ZFHX3: variants seen among roughly 807,000 people sequenced by gnomAD.
ZFHX3 encodes zinc finger homeobox 3.
ZFHX3 carries 42 observed loss-of-function variants against 279.1 expected under a neutral mutation model. The ratio of observed to expected loss-of-function variants is 0.15; its 90% CI spans 0.12 to 0.19. The LOEUF (loss-of-function observed/expected upper bound fraction) is 0.19. ZFHX3 is among the 10% of genes least tolerant of loss of function. ZFHX3 has a pLI of 1.00. For missense variants in ZFHX3, 4,981 were observed against 4,754.0 expected, an observed-to-expected ratio of 1.05 and a Z score of -1.40; for synonymous variants, 2,293 against 1,957.8, an observed-to-expected ratio of 1.17 and a Z score of -4.52.
At chr16:73,841,348 C>T (rs1961301817) in intron 1 of ZFHX3, among the ~76,000 whole-genome samples, 1 of 146,902 alleles carries the variant, frequency 6.8e-6, no homozygotes, top group Admixed American at 6.7e-5. Flanking sequence ...TGGGTGGGAG[C>T]TGGGTGCACA....
chr16:73,172,650 GAGAGAAAGAGAC>G (rs1967556561), intron 5 of ZFHX3, among the ~76,000 whole-genome samples: 1 of 152,210 alleles, frequency 6.6e-6, no homozygotes, highest in African/African-American at 2.4e-5. Flanking sequence ...TTTTTTGAGA[GAGAGAAAGAGAC>G]AGAGAAAGAG....
chr16:72,986,096 C>A (rs1282050373), intron 1 of ZFHX3, among the ~76,000 whole-genome samples: 7 of 151,810 alleles, frequency 4.6e-5, no homozygotes, highest in South Asian at 2.1e-4. Context: ...GCAGGCCTCA[C>A]CCCTGGGCGG....
chr16:73,821,288 G>A (rs1322949122), intron 1 of ZFHX3, among the ~76,000 whole-genome samples: 1 of 152,190 alleles, frequency 6.6e-6, no homozygotes. Context: ...CAGCACAGAG[G>A]TCTCTCCTGC....
rs1960951273 is a variant in ZFHX3 at position 72,950,747 on chromosome 16, T to A, written c.2938A>T (p.Met980Leu). 6.2e-7 allele frequency: 1 copy of A among 1,614,170 alleles called. No individual in the cohort carries two copies. The highest frequency in any genetic ancestry group is 1.3e-5 in the African/African-American group (1 of 75,040). The change falls in exon 3 of 10, where the codon ATG (methionine) becomes TTG (leucine). Residue 980 changes from methionine (M) to leucine (L), a missense_variant. By Grantham distance (15) the Met-to-Leu change is conservative (BLOSUM62 2). This residue lies in a region of ZFHX3 where 1,751 missense variants were observed against 1,770.0 expected (regional missense o/e 0.99). Coordinates refer to ENST00000268489, the MANE Select transcript of ZFHX3 (RefSeq NM_006885.4). ...SLSEDEWKAV[M>L]GDSYQCKLCR... ...AGCTTGCACTGGTATGAGTCCCCCATCACCGCCTTCCACTCGTCCTCCGAC... is the reference window on the plus strand; with the variant it reads ...AGCTTGCACTGGTATGAGTCCCCCAACACCGCCTTCCACTCGTCCTCCGAC...
At chr16:73,768,753 C>T (rs1273779947) in intron 1 of ZFHX3, among the ~76,000 whole-genome samples, 2 of 152,168 alleles carry the variant, frequency 1.3e-5, no homozygotes, top group African/African-American at 4.8e-5. Context: ...TTTCATTCCA[C>T]AGATATTTAC....
At chr16:73,440,424 A>G (rs2018071313) in intron 3 of ZFHX3, among the ~76,000 whole-genome samples, 1 of 152,130 alleles carries the variant, frequency 6.6e-6, no homozygotes, top group Admixed American at 6.5e-5. Context: ...AGACAGAAAA[A>G]CTGTAGTCAA....
intron 3 of ZFHX3, among the ~76,000 whole-genome samples, chr16:73,376,122 G>A (rs1352806134): frequency 1.3e-5 from 2 of 152,152 alleles, no homozygotes; most frequent in African/African-American, 4.8e-5. Flanking sequence ...TTTAAGATAA[G>A]TTATAGCTTA....
intron 8 of ZFHX3, among the ~76,000 whole-genome samples, chr16:73,068,946 T>G (rs959390693): frequency 3.5e-4 from 54 of 152,218 alleles, no homozygotes; most frequent in Admixed American, 3.5e-3. Flanking sequence ...AACTCTGGCC[T>G]CCATGCGCAC....
chr16:73,401,698 G>C (rs1218781729), intron 3 of ZFHX3: 1 of 152,202 alleles, frequency 6.6e-6, no homozygotes, highest in Non-Finnish European at 1.5e-5. Flanking sequence ...AAACTGGAAA[G>C]TGTACTAAAA....
At chr16:73,867,309 C>T (rs537312066) in intron 1 of ZFHX3, among the ~76,000 whole-genome samples, 1 of 152,284 alleles carries the variant, frequency 6.6e-6, no homozygotes, top group Admixed American at 6.5e-5. Context: ...GAAACTGGGT[C>T]TCTGGCCCAA....
rs2266933 is a variant in ZFHX3, at chr16:72,802,954, A to C, written c.3865-2825T>G. On this transcript the variant is annotated intron_variant, in intron 7 of 9. Transcript: ENST00000268489. Reference sequence around the variant, plus strand: ...TGCCTTGGCACCCCCTTTGTTTTACAATCATATCTGGCTACTAAACTGCAT... The same window carrying C: ...TGCCTTGGCACCCCCTTTGTTTTACCATCATATCTGGCTACTAAACTGCAT... Among the ~76,000 whole-genome samples, 79 of 152,282 alleles carry C rather than the reference A, an allele frequency of 5.2e-4. No individual in the cohort carries two copies. In the East Asian group the frequency reaches 0.013, roughly 25 times the overall value.
chr16:73,116,945 G>A (rs1966439338), intron 7 of ZFHX3, among the ~76,000 whole-genome samples: 1 of 152,168 alleles, frequency 6.6e-6, no homozygotes, highest in Admixed American at 6.5e-5. Context: ...TAAGCAAGGG[G>A]GATGCATGTG....
intron 3 of ZFHX3, among the ~76,000 whole-genome samples, chr16:73,422,712 A>G (rs766990035): frequency 3.9e-5 from 6 of 152,068 alleles, no homozygotes; most frequent in Non-Finnish European, 8.8e-5. Flanking sequence ...TCTTTGCTCT[A>G]TTCCTTCCTC....
At chr16:73,335,142 T>C (rs1597289460) in intron 3 of ZFHX3, among the ~76,000 whole-genome samples, 3 of 152,268 alleles carry the variant, frequency 2.0e-5, no homozygotes, top group Admixed American at 2.0e-4. Context: ...GCTAAGAAGA[T>C]ACATTTTAGT....
chr16:73,130,393 C>G (rs1212534758), intron 7 of ZFHX3, among the ~76,000 whole-genome samples: 1 of 152,114 alleles, frequency 6.6e-6, no homozygotes, highest in African/African-American at 2.4e-5. Context: ...TCCTTTTGGT[C>G]TTTACAGACA....
At chr16:73,387,898 C>T (rs923877493) in intron 3 of ZFHX3, among the ~76,000 whole-genome samples, 1 of 151,756 alleles carries the variant, frequency 6.6e-6, no homozygotes, top group Non-Finnish European at 1.5e-5. Flanking sequence ...AGGTCATCTC[C>T]CAGCAGAAGA....
intron 8 of ZFHX3, among the ~76,000 whole-genome samples, chr16:73,090,793 C>T (rs755929208): frequency 6.6e-6 from 1 of 151,440 alleles, no homozygotes; most frequent in Non-Finnish European, 1.5e-5. Flanking sequence ...CATCTGTAGT[C>T]CTAGCTACTT....
chr16:73,704,439 G>A (rs1286920233), intron 1 of ZFHX3, among the ~76,000 whole-genome samples: 8 of 152,076 alleles, frequency 5.3e-5, no homozygotes, highest in Non-Finnish European at 1.2e-4. Flanking sequence ...ATTTTAAATC[G>A]TTTTAAAGTC....
intron 2 of ZFHX3, among the ~76,000 whole-genome samples, chr16:73,518,160 T>G (rs1246214365): frequency 6.6e-6 from 1 of 152,210 alleles, no homozygotes; most frequent in Non-Finnish European, 1.5e-5. Flanking sequence ...TGGTCTACCA[T>G]ATTGGACAGG....
Sources: allele counts gnomAD v4.1 joint callset (sites outside exome capture counted in the v4.1 genomes callset), GRCh38; gene constraint gnomAD v4.1.1; regional missense constraint gnomAD v4.1.1; transcripts MANE v1.5; gene names NCBI Gene and HGNC (gene_info 2026-07-23, HGNC 2026-07-21).